Variants in MYO5C observed in about 807,000 individuals in gnomAD.
MYO5C encodes myosin VC, also known as unconventional myosin-Vc.
A neutral mutation model predicts 235.7 loss-of-function variants in MYO5C; 194 were observed. The observed-to-expected ratio is 0.82, with a 90% confidence interval of 0.73 to 0.93. The LOEUF is 0.93. Among genes scored for constraint, MYO5C ranks in the 40% least tolerant of loss-of-function variants. The pLI, the probability that MYO5C is intolerant of heterozygous loss-of-function variation, is 0.00. For missense variants in MYO5C, 2,038 were observed against 2,127.2 expected, an observed-to-expected ratio of 0.96 and a Z score of 0.82; for synonymous variants, 707 against 754.8, an observed-to-expected ratio of 0.94 and a Z score of 1.04.
intron 1 of MYO5C, among the ~76,000 whole-genome samples, chr15:52,291,581 C>T (rs1419895917): frequency 2.0e-5 from 3 of 152,054 alleles, no homozygotes; most frequent in South Asian, 2.1e-4. Context: ...CAAACAGAAA[C>T]GACGCCAGGG....
Position 52,256,712 on chromosome 15 carries a change from G to A in MYO5C, c.1322C>T (p.Thr441Ile). The A allele has an allele frequency of 6.2e-7, 1 of 1,611,568 alleles. No homozygotes were observed. The highest frequency in any genetic ancestry group is 8.5e-7 in the Non-Finnish European group (1 of 1,178,266). The change falls in exon 11 of 41, where the codon ACC (threonine) becomes ATC (isoleucine). Residue 441 changes from threonine (T) to isoleucine (I), a missense_variant. Coordinates refer to ENST00000261839, the MANE Select transcript of MYO5C (RefSeq NM_018728.4). ...IGVLDIYGFE[T>I]FDVNSFEQFC... ...TTGTTCAAAGCTGTTCACATCAAAG[G>A]TTTCAAAACTGAAATACAATTTAAA...
intron 10 of MYO5C, among the ~76,000 whole-genome samples, chr15:52,259,457 AC>A (rs1566983493): frequency 6.6e-6 from 1 of 151,896 alleles, no homozygotes. Context: ...GAAATAATAT[AC>A]TGTTAAAATA....
At chr15:52,295,557 T>C (rs1055087650) in intron 1 of MYO5C, 53 bp downstream of exon 1, 65 of 1,495,924 alleles carry the variant, frequency 4.3e-5, no homozygotes, top group Non-Finnish European at 5.2e-5. Flanking sequence ...GAGTCAGCGT[T>C]AGCAGGGCCG....
chr15:52,193,963 T>A lies in MYO5C; in HGVS notation c.5168A>T (p.His1723Leu), dbSNP rs1287161040. The A allele has an allele frequency of 6.2e-7, 1 of 1,613,776 alleles. No homozygotes were observed. The highest frequency in any genetic ancestry group is 1.7e-5 in the Admixed American group (1 of 59,958). Reference sequence around the variant, plus strand: ...GGGGATCTGAATCATTTCCAGAGCATGTGGAGAGGGGGTAAAAGGAAATGT... The same window carrying A: ...GGGGATCTGAATCATTTCCAGAGCAAGTGGAGAGGGGGTAAAAGGAAATGT... ...QVTFPFTPSP[H>L]ALEMIQIPSS... Residue 1723 changes from histidine to leucine, a missense_variant, in exon 41 of 41, where the codon CAT becomes CTT. By Grantham distance (99) the His-to-Leu change is moderately conservative. Coordinates refer to ENST00000261839, the MANE Select transcript of MYO5C (RefSeq NM_018728.4).
At chr15:52,236,631 G>A (rs2036092742) in intron 22 of MYO5C, among the ~76,000 whole-genome samples, 1 of 152,008 alleles carries the variant, frequency 6.6e-6, no homozygotes, top group African/African-American at 2.4e-5. Flanking sequence ...AGCCGAGATT[G>A]CGCCACCGCA....
At chr15:52,211,069 A>G (rs563358187) in intron 35 of MYO5C, among the ~76,000 whole-genome samples, 11 of 152,302 alleles carry the variant, frequency 7.2e-5, no homozygotes, top group East Asian at 1.9e-4. Flanking sequence ...AGTCATTCCA[A>G]TAAGGACACC....
chr15:52,198,556 TTGTTG>T (rs989074021), intron 38 of MYO5C, among the ~76,000 whole-genome samples: 1 of 151,940 alleles, frequency 6.6e-6, no homozygotes, highest in Non-Finnish European at 1.5e-5. Context: ...TGCTTAGTTT[TTGTTG>T]TTGTTGTTGT....
chr15:52,292,836 G>A (rs1014616378), intron 1 of MYO5C, among the ~76,000 whole-genome samples: 5 of 152,266 alleles, frequency 3.3e-5, no homozygotes, highest in Non-Finnish European at 5.9e-5. Flanking sequence ...CATGAGCAAA[G>A]GTGACAGACA....
At chr15:52,207,584 A>G (rs2035348677) in intron 36 of MYO5C, among the ~76,000 whole-genome samples, 1 of 152,242 alleles carries the variant, frequency 6.6e-6, no homozygotes, top group African/African-American at 2.4e-5. Flanking sequence ...AACTCTAAAT[A>G]TGAACTACAA....
At position 52,247,012 on chromosome 15, in the gene MYO5C, G is replaced by C; in HGVS notation, c.1884C>G (p.Phe628Leu). 6.2e-7 allele frequency: 1 copy of C among 1,611,576 alleles called. No homozygotes were observed. Among genetic ancestry groups the C allele is most frequent in the South Asian group, 1.1e-5 (1 of 90,434 alleles). The stretch of plus-strand genomic sequence containing the variant: ...CCATGAGCAAGTACAGAGAGCTGCG[G>C]AACTAGGAAACAAAGCTAGAGATCA... ...KHFRTTVGSK[F>L]RSSLYLLMET... The change falls in exon 16 of 41, where the codon TTC becomes TTG. Residue 628 changes from phenylalanine (F) to leucine (L), a missense_variant and splice_region_variant. Physicochemically the swap from Phe to Leu is conservative, Grantham distance 22. Coordinates refer to ENST00000261839, the MANE Select transcript of MYO5C (RefSeq NM_018728.4).
At chr15:52,246,865 G>T in intron 16 of MYO5C, 52 bp downstream of exon 16, 1 of 1,460,132 alleles carries the variant, frequency 6.8e-7, no homozygotes, top group South Asian at 1.2e-5. Context: ...CCAACTTTAT[G>T]GCAGAAACTG....
Position 52,194,252 on chromosome 15 carries a change from C to A in MYO5C, c.5077-198G>T, listed in dbSNP as rs149916689. On this transcript the variant is annotated intron_variant, in intron 40 of 40. Transcript: ENST00000261839. ...AGGGCTTCCAGATCAGCTCTCAGAACAATTAACTTGTCCTGTTTCACTTCA... is the reference window on the plus strand; with the variant it reads ...AGGGCTTCCAGATCAGCTCTCAGAAAAATTAACTTGTCCTGTTTCACTTCA... 1.4e-4 allele frequency among the ~76,000 whole-genome samples: 22 copies of A among 152,340 alleles called. No individual in the cohort carries two copies. The East Asian group carries it at 4.0e-3, about 28-fold the overall frequency.
chr15:52,274,267 T>G (rs906998630), intron 5 of MYO5C, among the ~76,000 whole-genome samples: 5 of 152,200 alleles, frequency 3.3e-5, no homozygotes, highest in Admixed American at 2.6e-4. Context: ...GGCATTTAAC[T>G]TGGCACTGGC....
rs754119086 is a variant in MYO5C, at chr15:52,224,965, G to C, written c.3382C>G (p.Leu1128Val). ...TCTCCATCCTCATTTAAATGTTCCA[G>C]ATCTTCCACAGAGAGCCTGCAAAAT... ...DVRSRLSVED[L>V]EHLNEDGELW... is the part of the protein sequence containing the mutation. The change falls in exon 28 of 41, where the codon CTG becomes GTG. Residue 1128 changes from leucine (L) to valine (V), a missense_variant. By Grantham distance (32) the Leu-to-Val change is conservative (BLOSUM62 1). Transcript: ENST00000261839. 2 of 1,613,944 alleles carry C rather than the reference G, an allele frequency of 1.2e-6. No homozygotes were observed. The highest frequency in any genetic ancestry group is 1.7e-5 in the Admixed American group (1 of 60,014).
chr15:52,267,745 A>T lies in MYO5C; in HGVS notation c.940+2008T>A, dbSNP rs1243467062. On this transcript the variant is annotated intron_variant, in intron 8 of 40. Transcript: ENST00000261839. ...TAGATTCATACCAATTAGGATTTGAATTCACATTCATTTGATCCCAAAGCC... is the reference window on the plus strand; with the variant it reads ...TAGATTCATACCAATTAGGATTTGATTTCACATTCATTTGATCCCAAAGCC... 3.3e-5 allele frequency among the ~76,000 whole-genome samples: 5 copies of T among 152,322 alleles called. No homozygotes were observed. In the East Asian group the frequency reaches 9.6e-4, roughly 29 times the overall value.
Position 52,251,524 on chromosome 15 carries a change from G to A in MYO5C, c.1537-9C>T. ...TCAGTTCCATGTGGTAACTGGAAAA[G>A]AAAAATAAACCAAATAGCAAGTAAG... On this transcript the variant is annotated splice_polypyrimidine_tract_variant and intron_variant, in intron 12 of 40. Transcript: ENST00000261839. The A allele has an allele frequency of 6.3e-7, 1 of 1,585,110 alleles. No homozygotes were observed. Among genetic ancestry groups the A allele is most frequent in the African/African-American group, 1.4e-5 (1 of 73,750 alleles).
At chr15:52,202,245 C>T (rs761883713) in intron 38 of MYO5C, among the ~76,000 whole-genome samples, 50 of 151,988 alleles carry the variant, frequency 3.3e-4, no homozygotes, top group African/African-American at 7.7e-4. Flanking sequence ...GGCATGGTGG[C>T]GCATGCCTGT....
intron 23 of MYO5C, among the ~76,000 whole-genome samples, chr15:52,234,864 A>T (rs1170969033): frequency 6.6e-6 from 1 of 152,148 alleles, no homozygotes; most frequent in Non-Finnish European, 1.5e-5. Context: ...GCTGGGCTAG[A>T]GGTGCGTGTA....
At chr15:52,259,862 G>A (rs1566983633) in intron 10 of MYO5C, among the ~76,000 whole-genome samples, 1 of 152,248 alleles carries the variant, frequency 6.6e-6, no homozygotes, top group African/African-American at 2.4e-5. Flanking sequence ...CTCCCCAGGA[G>A]GCAGCAGCAG....
Sources: gnomAD v4.1 joint callset for allele counts (sites outside exome capture counted in the v4.1 genomes callset) on GRCh38, gnomAD v4.1.1 for gene constraint, MANE v1.5 for transcripts, NCBI Gene and HGNC (gene_info 2026-07-23, HGNC 2026-07-21) for gene names.